TRPM3: variants seen among roughly 807,000 people sequenced by gnomAD.
TRPM3 encodes long transient receptor potential channel 3.
A neutral mutation model predicts 181.2 loss-of-function variants in TRPM3; 77 were observed. The ratio of observed to expected loss-of-function variants is 0.42; its 90% confidence interval spans 0.35 to 0.51. The LOEUF (loss-of-function observed/expected upper bound fraction) is 0.51, where lower values mean the gene tolerates loss of function less well. Among genes scored for constraint, TRPM3 ranks in the 20% least tolerant of loss-of-function variants. The pLI, the probability that TRPM3 is intolerant of heterozygous loss-of-function variation, is 0.01. For missense variants in TRPM3, 1,759 were observed against 2,196.7 expected (o/e 0.80, Z 3.98); for synonymous variants, 745 against 796.4 (o/e 0.94, Z 1.09).
rs12342297 is a variant in TRPM3, at chr9:71,032,073, T to A, written c.177+89105A>T. ...ATTATATATATTATATATATTATAT[T>A]ATATTATATATATATAATTATATAA... On this transcript the variant is annotated intron_variant, in intron 1 of 25. Coordinates refer to ENST00000677713, the MANE Select transcript of TRPM3 (RefSeq NM_001366145.2). Among the ~76,000 whole-genome samples, 5 of 3,868 alleles carry A rather than the reference T, an allele frequency of 1.3e-3. 1 individual carries two copies. The Admixed American group carries it at 0.024, about 18-fold the overall frequency. The allele number at this position is 3,868 out of a possible 152,430, so 2.5% of individuals were successfully genotyped here.
In TRPM3 at chr9:70,533,412, C is replaced by T. The variant is rs1207925651; in HGVS notation, c.*2541G>A. 2 of 152,258 alleles carry T rather than the reference C, an allele frequency of 1.3e-5. No individual in the cohort carries two copies. The highest frequency in any genetic ancestry group is 2.1e-4 in the South Asian group (1 of 4,822). 9.4% of individuals were successfully genotyped at this position (152,258 alleles called of 1,614,324 possible). On this transcript the variant is annotated 3_prime_UTR_variant, in exon 26 of 26. Coordinates refer to ENST00000677713, the MANE Select transcript of TRPM3 (RefSeq NM_001366145.2). ...GAACAAAAATAACAAAATCTTTGTT[C>T]AAACTCTGGTGCTGAGATTTGGCCT...
At chr9:71,421,883 G>A (rs988994306) in intron 1 of TRPM3, among the ~76,000 whole-genome samples, 7 of 151,920 alleles carry the variant, frequency 4.6e-5, no homozygotes, top group Admixed American at 3.3e-4. Flanking sequence ...GTGGTTTGTC[G>A]TTGACCACAT....
intron 8 of TRPM3, among the ~76,000 whole-genome samples, chr9:70,754,175 T>C (rs2076667760): frequency 6.6e-6 from 1 of 152,174 alleles, no homozygotes; most frequent in African/African-American, 2.4e-5. Flanking sequence ...CACTGCCCTC[T>C]GGAACATAAG....
chr9:71,402,043 A>C (rs2093349954), intron 1 of TRPM3, among the ~76,000 whole-genome samples: 1 of 152,236 alleles, frequency 6.6e-6, no homozygotes, highest in Admixed American at 6.5e-5. Context: ...GTTTCTGCCA[A>C]CTTTCAGCCA....
chr9:71,323,305 C>T (rs112638894), intron 1 of TRPM3, among the ~76,000 whole-genome samples: 1 of 152,154 alleles, frequency 6.6e-6, no homozygotes, highest in African/African-American at 2.4e-5. Context: ...AATGCTTCAA[C>T]TTACCTAGTA....
intron 16 of TRPM3, 54 bp from the exon 17 acceptor site, chr9:70,619,149 G>C (rs972326158): frequency 2.0e-4 from 301 of 1,507,674 alleles, no homozygotes; most frequent in Non-Finnish European, 2.6e-4. Flanking sequence ...AGACTTATAA[G>C]GTAAAAGTGG....
Position 71,209,139 on chromosome 9 carries a change from T to C in TRPM3, c.183+237514A>G, listed in dbSNP as rs1369230892. On this transcript the variant is annotated intron_variant, in intron 1 of 24. Coordinates refer to the TRPM3 transcript ENST00000357533. The stretch of plus-strand genomic sequence containing the variant: ...GCAAATAGATGCCTCGTTTATATTA[T>C]GTACCATGATTGCTAAAAGTGCTTG... Among the ~76,000 whole-genome samples the C allele has an allele frequency of 2.6e-5, 4 of 152,114 alleles. No homozygotes were observed. In the East Asian group the frequency reaches 5.8e-4, roughly 22 times the overall value.
chr9:70,839,748 C>A lies in TRPM3; in HGVS notation c.801+3255G>T, dbSNP rs138051262. On this transcript the variant is annotated intron_variant, in intron 5 of 25. Transcript: ENST00000677713. ...TATTCTGGAGTATAAACAGACTTGA[C>A]CAAAGATGCAGCTATTCTATTTTTT... Among the ~76,000 whole-genome samples the A allele has an allele frequency of 1.7e-4, 26 of 152,156 alleles. 1 individual carries two copies. In the East Asian group the frequency reaches 4.4e-3, roughly 26 times the overall value.
At chr9:71,117,247 A>G (rs1454844352) in intron 1 of TRPM3, among the ~76,000 whole-genome samples, 1 of 152,154 alleles carries the variant, frequency 6.6e-6, no homozygotes, top group African/African-American at 2.4e-5. Context: ...CAACTATACA[A>G]TACCTAAATC....
chr9:71,287,628 A>T (rs1024765189), intron 1 of TRPM3, among the ~76,000 whole-genome samples: 27 of 145,086 alleles, frequency 1.9e-4, no homozygotes, highest in Middle Eastern at 3.4e-3. Context: ...AGAATGTGTC[A>T]TTTACTCAGA....
chr9:71,104,213 C>A (rs543732762), intron 1 of TRPM3, among the ~76,000 whole-genome samples: 4 of 152,194 alleles, frequency 2.6e-5, no homozygotes, highest in Admixed American at 2.6e-4. Flanking sequence ...ACCATGCCCA[C>A]CCCATTTAGC....
rs11142738 is a variant in TRPM3 at position 71,216,974 on chromosome 9, G to A, written c.183+229679C>T. Among the ~76,000 whole-genome samples, 66 of 102,266 alleles carry A rather than the reference G, an allele frequency of 6.5e-4. 2 individuals carry two copies. The East Asian group carries it at 0.02, about 30-fold the overall frequency. The allele number at this position is 102,266 out of a possible 152,430, so 67.1% of individuals were successfully genotyped here. On this transcript the variant is annotated intron_variant, in intron 1 of 24. Coordinates refer to the TRPM3 transcript ENST00000357533. ...TTTTTTTTTTTTTTTTTTTTGAGAC[G>A]GAGTCTCGCTCTGTCGCCCAGGCTG...
At position 71,400,114 on chromosome 9, in the gene TRPM3, T is replaced by C. The variant is rs563638892; in HGVS notation, c.183+46539A>G. ...CTCAATGCCTCTCGGTTATCATTAA[T>C]ATCAACTACATTACAGAATCATGTA... On this transcript the variant is annotated intron_variant, in intron 1 of 24. Coordinates refer to the TRPM3 transcript ENST00000357533. Among the ~76,000 whole-genome samples the C allele has an allele frequency of 4.6e-5, 7 of 152,318 alleles. No homozygotes were observed. The South Asian group carries it at 1.2e-3, about 27-fold the overall frequency.
At chr9:70,623,191 C>G (rs964693294) in intron 14 of TRPM3, among the ~76,000 whole-genome samples, 3 of 152,026 alleles carry the variant, frequency 2.0e-5, no homozygotes, top group African/African-American at 7.3e-5. Context: ...ATGGCGAAAC[C>G]CCTTCTCTAC....
At chr9:70,803,730 A>G (rs1346961065) in intron 6 of TRPM3, among the ~76,000 whole-genome samples, 1 of 151,918 alleles carries the variant, frequency 6.6e-6, no homozygotes, top group Admixed American at 6.6e-5. Context: ...GATTACAGGC[A>G]TGAGCCACCA....
chr9:70,658,487 G>A (rs10868863), intron 9 of TRPM3, among the ~76,000 whole-genome samples: 57,649 of 151,866 alleles, frequency 0.38, 11,366 homozygotes, highest in African/African-American at 0.47. Context: ...TTTGGGCTGT[G>A]ATTGTATAAA....
intron 1 of TRPM3, among the ~76,000 whole-genome samples, chr9:71,154,268 A>G (rs1314425909): frequency 1.3e-5 from 2 of 152,162 alleles, no homozygotes; most frequent in African/African-American, 4.8e-5. Context: ...ATGTAGTTGT[A>G]AGCTCTATAA....
chr9:71,318,593 C>A (rs1010257842), intron 1 of TRPM3, among the ~76,000 whole-genome samples: 1 of 152,068 alleles, frequency 6.6e-6, no homozygotes, highest in Non-Finnish European at 1.5e-5. Flanking sequence ...CAATCTGTAA[C>A]CATAACTATC....
At chr9:71,217,707 C>T (rs994559334) in intron 1 of TRPM3, among the ~76,000 whole-genome samples, 2 of 152,158 alleles carry the variant, frequency 1.3e-5, no homozygotes, top group African/African-American at 2.4e-5. Context: ...CTGAGACAGA[C>T]CATTCTGCTC....
Sources: allele counts gnomAD v4.1 joint callset (sites outside exome capture counted in the v4.1 genomes callset), GRCh38; gene constraint gnomAD v4.1.1; transcripts MANE v1.5; gene names NCBI Gene and HGNC (gene_info 2026-07-23, HGNC 2026-07-21).